HEMK2: variants seen among roughly 807,000 people sequenced by gnomAD.
The protein encoded by HEMK2 is methyltransferase HEMK2.
At chr21:28,822,185 C>T in the HEMK2 span, among the ~76,000 whole-genome samples, 2 of 152,106 alleles carry the variant, frequency 1.3e-5, no homozygotes, top group African/African-American at 4.8e-5. Context: ...TGTAGTGGAG[C>T]CAATCAGTTT....
the HEMK2 span, among the ~76,000 whole-genome samples, chr21:28,801,595 CA>C: frequency 6.6e-6 from 1 of 151,956 alleles, no homozygotes; most frequent in African/African-American, 2.4e-5. Flanking sequence ...ATTTATATCA[CA>C]AAAGGCTACT....
At chr21:28,720,948 T>C in the HEMK2 span, among the ~76,000 whole-genome samples, 1 of 152,144 alleles carries the variant, frequency 6.6e-6, no homozygotes, top group Non-Finnish European at 1.5e-5. Context: ...AAACTATCCA[T>C]GGCAAAAGAG....
chr21:28,855,081 A>C, the HEMK2 span, among the ~76,000 whole-genome samples: 3 of 152,218 alleles, frequency 2.0e-5, no homozygotes, highest in Non-Finnish European at 4.4e-5. Context: ...AAGATGAATA[A>C]AGAAGCAGAC....
chr21:28,820,194 A>G, the HEMK2 span, among the ~76,000 whole-genome samples: 1 of 152,174 alleles, frequency 6.6e-6, no homozygotes, highest in Admixed American at 6.5e-5. Context: ...ATTTTAGAAG[A>G]TACTTTTTCC....
the HEMK2 span, among the ~76,000 whole-genome samples, chr21:28,696,964 G>A: frequency 3.9e-5 from 6 of 152,088 alleles, no homozygotes; most frequent in African/African-American, 7.3e-5. Context: ...CACCATGTCC[G>A]GAGGCTGCAC....
chr21:28,727,111 T>A, the HEMK2 span, among the ~76,000 whole-genome samples: 1 of 151,856 alleles, frequency 6.6e-6, no homozygotes, highest in Non-Finnish European at 1.5e-5. Flanking sequence ...GGAGAAAAAA[T>A]AAGCAAGAAA....
At chr21:28,699,848 C>T in the HEMK2 span, among the ~76,000 whole-genome samples, 3 of 152,138 alleles carry the variant, frequency 2.0e-5, no homozygotes, top group Non-Finnish European at 2.9e-5. Flanking sequence ...GAACTGCAAA[C>T]GCTTGATTTA....
chr21:28,713,562 C>G, the HEMK2 span, among the ~76,000 whole-genome samples: 1 of 152,146 alleles, frequency 6.6e-6, no homozygotes, highest in Admixed American at 6.5e-5. Context: ...GATGCTCTTT[C>G]CCCAGGCCCC....
the HEMK2 span, among the ~76,000 whole-genome samples, chr21:28,800,612 G>A: frequency 1.3e-5 from 2 of 152,022 alleles, no homozygotes; most frequent in Admixed American, 1.3e-4. Flanking sequence ...GCATGTGTAT[G>A]CCTTTGTGTG....
At chr21:28,701,934 C>T in the HEMK2 span, among the ~76,000 whole-genome samples, 1,134 of 152,178 alleles carry the variant, frequency 7.5e-3, 18 homozygotes, top group African/African-American at 0.026. Flanking sequence ...TCAGACTGTA[C>T]TATAAGTCTA....
the HEMK2 span, among the ~76,000 whole-genome samples, chr21:28,841,248 AATATATT>A: frequency 7.2e-4 from 3 of 4,156 alleles, 1 homozygote; most frequent in African/African-American, 6.9e-3. Context: ...TTATATATAT[AATATATT>A]ATATATAATA....
At chr21:28,613,755 T>C in the HEMK2 span, among the ~76,000 whole-genome samples, 2 of 151,524 alleles carry the variant, frequency 1.3e-5, no homozygotes, top group African/African-American at 4.9e-5. Context: ...AGCATTTGTA[T>C]TAAATAAAGA....
At chr21:28,582,749 T>A in the HEMK2 span, among the ~76,000 whole-genome samples, 1 of 152,250 alleles carries the variant, frequency 6.6e-6, no homozygotes, top group African/African-American at 2.4e-5. Context: ...TTATAAACAG[T>A]AGTAGCCAGG....
chr21:28,847,244 T>C, the HEMK2 span, among the ~76,000 whole-genome samples: 2 of 152,158 alleles, frequency 1.3e-5, no homozygotes, highest in African/African-American at 2.4e-5. Context: ...CCACCAGCAA[T>C]GTATAAGCAT....
the HEMK2 span, among the ~76,000 whole-genome samples, chr21:28,641,908 C>G: frequency 6.6e-6 from 1 of 152,202 alleles, no homozygotes; most frequent in Non-Finnish European, 1.5e-5. Flanking sequence ...TTCTGGATCT[C>G]TGTCCCTGAG....
At chr21:28,857,177 C>T in the HEMK2 span, among the ~76,000 whole-genome samples, 1 of 151,924 alleles carries the variant, frequency 6.6e-6, no homozygotes, top group Admixed American at 6.6e-5. Flanking sequence ...TATTAATTTC[C>T]AAGGAGATTA....
the HEMK2 span, chr21:28,671,002 T>A: frequency 6.6e-6 from 1 of 152,162 alleles, no homozygotes; most frequent in Non-Finnish European, 1.5e-5. Flanking sequence ...TCAAACTATA[T>A]CAAAGAAAGT....
At chr21:28,719,301 C>T in the HEMK2 span, among the ~76,000 whole-genome samples, 3 of 152,270 alleles carry the variant, frequency 2.0e-5, no homozygotes, top group Admixed American at 2.0e-4. Context: ...CAAATCTCAC[C>T]TTGAATTGCA....
chr21:28,766,318 A>T, the HEMK2 span, among the ~76,000 whole-genome samples: 43 of 151,250 alleles, frequency 2.8e-4, no homozygotes, highest in East Asian at 2.3e-3. Context: ...TTTTTTTTTT[A>T]AAAAAGAATG....
Sources: allele counts gnomAD v4.1 joint callset (sites outside exome capture counted in the v4.1 genomes callset), GRCh38; gene constraint gnomAD v4.1.1; transcripts MANE v1.5; gene names NCBI Gene and HGNC (gene_info 2026-07-23, HGNC 2026-07-21).